The following ARID1B variants were observed in gnomAD, a reference collection of about 807,000 sequenced individuals.
ARID1B encodes AT-rich interactive domain-containing protein 1B.
A neutral mutation model predicts 212.3 loss-of-function variants in ARID1B; 30 were observed. That is an observed-to-expected ratio of 0.14 (90% CI 0.11 to 0.19). ARID1B has a LOEUF of 0.19. Ranked by LOEUF, ARID1B falls within the 10% of genes least tolerant of loss-of-function variation. The pLI, the probability that ARID1B is intolerant of heterozygous loss-of-function variation, is 1.00. For missense variants in ARID1B, 2,891 were observed against 3,204.0 expected (o/e 0.90, Z 2.36); for synonymous variants, 1,402 against 1,301.7 (o/e 1.08, Z -1.66).
intron 4 of ARID1B, chr6:157,030,406 T>G (rs1371993652): frequency 6.6e-6 from 1 of 152,188 alleles, no homozygotes; most frequent in Non-Finnish European, 1.5e-5. Flanking sequence ...GATTGAGGGG[T>G]AGAGAATTAG....
intron 2 of ARID1B, among the ~76,000 whole-genome samples, chr6:156,864,300 G>A (rs1785531931): frequency 6.6e-6 from 1 of 152,144 alleles, no homozygotes; most frequent in Non-Finnish European, 1.5e-5. Context: ...GATGCTCTCT[G>A]ACAAATTGTT....
At chr6:157,065,875 G>A (rs1783647686) in intron 4 of ARID1B, among the ~76,000 whole-genome samples, 1 of 152,000 alleles carries the variant, frequency 6.6e-6, no homozygotes, top group African/African-American at 2.4e-5. Flanking sequence ...ATAAATACAG[G>A]GACATGCACA....
At chr6:156,787,536 C>T (rs1439902339) in intron 1 of ARID1B, among the ~76,000 whole-genome samples, 1 of 152,082 alleles carries the variant, frequency 6.6e-6, no homozygotes, top group Non-Finnish European at 1.5e-5. Context: ...TGAGAACCAC[C>T]TTTTAAGATT....
At chr6:157,170,422 G>T (rs1264235909) in intron 9 of ARID1B, among the ~76,000 whole-genome samples, 1 of 152,144 alleles carries the variant, frequency 6.6e-6, no homozygotes, top group African/African-American at 2.4e-5. Context: ...CTGGTTGTCC[G>T]GGTTGTTTGT....
intron 4 of ARID1B, among the ~76,000 whole-genome samples, chr6:156,993,144 C>T (rs957843764): frequency 2.0e-5 from 3 of 151,164 alleles, no homozygotes; most frequent in African/African-American, 7.3e-5. Context: ...CCGGTTCAAG[C>T]GATTCTCCTG....
intron 5 of ARID1B, among the ~76,000 whole-genome samples, chr6:157,096,769 T>C (rs1562614710): frequency 2.0e-5 from 3 of 152,070 alleles, no homozygotes; most frequent in Non-Finnish European, 4.4e-5. Context: ...AGGTCTGCTC[T>C]CCCCCCAGCA....
At chr6:157,129,136 C>A (rs1173216378) in intron 6 of ARID1B, among the ~76,000 whole-genome samples, 2 of 152,180 alleles carry the variant, frequency 1.3e-5, no homozygotes, top group East Asian at 3.8e-4. Context: ...AATGTCTTAA[C>A]TTTTTTTGTA....
At chr6:156,798,927 G>C (rs191241620) in intron 1 of ARID1B, among the ~76,000 whole-genome samples, 245 of 152,260 alleles carry the variant, frequency 1.6e-3, no homozygotes, top group African/African-American at 5.5e-3. Context: ...TAAAAAACTT[G>C]GCAGTTGTGA....
chr6:156,910,004 A>G (rs1010004387), intron 3 of ARID1B, among the ~76,000 whole-genome samples: 7 of 152,244 alleles, frequency 4.6e-5, no homozygotes, highest in Non-Finnish European at 4.4e-5. Flanking sequence ...ATTGGTGAGC[A>G]CAACACATGC....
intron 3 of ARID1B, among the ~76,000 whole-genome samples, chr6:156,921,438 AACACACACACACACACACACACACAC>A (rs10560265): frequency 2.2e-3 from 300 of 136,002 alleles, no homozygotes; most frequent in African/African-American, 7.0e-3. Flanking sequence ...TTGATGGGAA[AACACACACACACACACACACACACAC>A]ACACACACAC....
intron 4 of ARID1B, among the ~76,000 whole-genome samples, chr6:156,984,130 G>T (rs1196552985): frequency 6.6e-6 from 1 of 152,182 alleles, no homozygotes; most frequent in Non-Finnish European, 1.5e-5. Context: ...AGTGGCTGGA[G>T]TTCGGAGGGG....
intron 4 of ARID1B, among the ~76,000 whole-genome samples, chr6:157,008,216 T>TTAA (rs1261519117): frequency 6.6e-6 from 1 of 152,222 alleles, no homozygotes; most frequent in East Asian, 1.9e-4. Flanking sequence ...TTCAGTGGCA[T>TTAA]TAAGTACATT....
intron 3 of ARID1B, among the ~76,000 whole-genome samples, chr6:156,932,999 G>A (rs144195502): frequency 1.3e-5 from 2 of 152,182 alleles, no homozygotes; most frequent in Non-Finnish European, 2.9e-5. Flanking sequence ...AAGCCTTAAA[G>A]AGTGAAATAT....
chr6:156,826,136 ACATGGTG>A (rs1411546501), intron 1 of ARID1B, among the ~76,000 whole-genome samples: 1 of 152,222 alleles, frequency 6.6e-6, no homozygotes, highest in Non-Finnish European at 1.5e-5. Context: ...AAATTGTATC[ACATGGTG>A]AATTTTGAGC....
chr6:156,919,692 C>T (rs1251779223), intron 3 of ARID1B, among the ~76,000 whole-genome samples: 1 of 152,168 alleles, frequency 6.6e-6, no homozygotes, highest in Non-Finnish European at 1.5e-5. Flanking sequence ...CTTAGTTGGG[C>T]GTGTTAGCGG....
chr6:156,883,239 G>T (rs1175760345), intron 2 of ARID1B, among the ~76,000 whole-genome samples: 3 of 152,064 alleles, frequency 2.0e-5, no homozygotes, highest in Non-Finnish European at 4.4e-5. Context: ...GTAAATTTGG[G>T]GTAGTAGTTA....
At chr6:157,162,120 C>T (rs1790986809) in intron 8 of ARID1B, among the ~76,000 whole-genome samples, 1 of 152,206 alleles carries the variant, frequency 6.6e-6, no homozygotes, top group African/African-American at 2.4e-5. Context: ...AAGATAACCA[C>T]ACACTTCACC....
intron 4 of ARID1B, chr6:157,036,492 A>T (rs1781334648): frequency 4.2e-6 from 1 of 238,786 alleles, no homozygotes; most frequent in Non-Finnish European, 8.4e-6. Flanking sequence ...GTAAAAGACC[A>T]AAAGGCATAT....
intron 4 of ARID1B, among the ~76,000 whole-genome samples, chr6:157,059,067 GTT>G (rs532432548): frequency 7.1e-6 from 1 of 140,606 alleles, no homozygotes; most frequent in African/African-American, 2.6e-5. Context: ...TTGTGTTTTT[GTT>G]TTTTTTTTTT....
Sources: allele counts gnomAD v4.1 joint callset (sites outside exome capture counted in the v4.1 genomes callset), GRCh38; gene constraint gnomAD v4.1.1; transcripts MANE v1.5; gene names NCBI Gene and HGNC (gene_info 2026-07-23, HGNC 2026-07-21).